GTF2A1L: variants seen among roughly 807,000 people sequenced by gnomAD.
The protein encoded by GTF2A1L is general transcription factor IIA subunit 1 like, also known as TFIIA-alpha and beta-like factor.
Under a neutral mutation model 49.7 loss-of-function variants are expected in GTF2A1L, and 48 were observed. The observed-to-expected ratio is 0.97, with a 90% CI of 0.77 to 1.23. The LOEUF (loss-of-function observed/expected upper bound fraction) is 1.23, where lower values mean the gene tolerates loss of function less well. GTF2A1L is among the 50% of genes most tolerant of loss of function. The pLI is 0.00. For synonymous variants in GTF2A1L, 246 were observed against 193.5 expected (o/e 1.27, Z -2.25); for missense variants, 736 against 564.8 (o/e 1.30, Z -3.07).
intron 6 of GTF2A1L, among the ~76,000 whole-genome samples, chr2:48,647,454 C>T (rs1050329892): frequency 6.6e-6 from 1 of 152,060 alleles, no homozygotes; most frequent in Non-Finnish European, 1.5e-5. Flanking sequence ...GTTTACCAGT[C>T]TCTTATACTG....
At chr2:48,665,580 G>C (rs1215633468) in intron 6 of GTF2A1L, among the ~76,000 whole-genome samples, 1 of 151,958 alleles carries the variant, frequency 6.6e-6, no homozygotes. Flanking sequence ...TTTGACCATT[G>C]GGTATTTATA....
intron 8 of GTF2A1L, among the ~76,000 whole-genome samples, chr2:48,672,351 G>T (rs1679218802): frequency 6.6e-6 from 1 of 152,156 alleles, no homozygotes; most frequent in African/African-American, 2.4e-5. Flanking sequence ...AGACAGAATA[G>T]GAAGCAGATT....
intron 3 of GTF2A1L, among the ~76,000 whole-genome samples, chr2:48,630,079 T>C (rs1469051819): frequency 6.9e-6 from 1 of 144,506 alleles, no homozygotes; most frequent in Admixed American, 7.0e-5. Flanking sequence ...TTTTTGCTTA[T>C]GATTGTTTTG....
rs780103192 is a variant in GTF2A1L at position 48,669,904 on chromosome 2, A to C, written c.1161A>C (p.Glu387Asp). 6.2e-7 allele frequency: 1 copy of C among 1,614,122 alleles called. No individual in the cohort carries two copies. Among genetic ancestry groups the C allele is most frequent in the Non-Finnish European group, 8.5e-7 (1 of 1,180,014 alleles). The change falls in exon 7 of 9, where the codon GAA becomes GAC. Residue 387 changes from glutamate to aspartate, a missense_variant. Physicochemically the swap from Glu to Asp is conservative, Grantham distance 45 (BLOSUM62 2). Transcript: ENST00000403751. ...GAGATCTGAAGGTACCTGAAGAAGA[A>C]GCTGACAGTATTTCAAATGAGGATT... ...DGGDLKVPEE[E>D]ADSISNEDSA...
chr2:48,642,783 G>C (rs531243368), intron 4 of GTF2A1L, among the ~76,000 whole-genome samples: 1 of 152,062 alleles, frequency 6.6e-6, no homozygotes, highest in Non-Finnish European at 1.5e-5. Context: ...TTGAACCTGG[G>C]AGGCGGAGGT....
At position 48,668,837 on chromosome 2, in the gene GTF2A1L, A is replaced by AAAAT. The variant is rs10529379; in HGVS notation, c.979-859_979-856dup. On this transcript the variant is annotated intron_variant, in intron 6 of 8. Coordinates refer to ENST00000403751, the MANE Select transcript of GTF2A1L (RefSeq NM_006872.5). ...GCGACAGAGCGAGACCCCGCCTCAA[A>AAAAT]AAATAAATAAATAAATAAATAAATA... 5.7e-3 allele frequency among the ~76,000 whole-genome samples: 852 copies of AAAAT among 150,440 alleles called. 12 individuals are homozygous for AAAAT. The East Asian group carries it at 0.074, about 13-fold the overall frequency.
chr2:48,662,654 T>A (rs1487247181), intron 6 of GTF2A1L, among the ~76,000 whole-genome samples: 3 of 58,312 alleles, frequency 5.1e-5, no homozygotes, highest in Admixed American at 4.3e-4. Flanking sequence ...TGGTTGATCT[T>A]TTTTTTTTTT....
At chr2:48,618,298 A>G (rs919983092) in intron 1 of GTF2A1L, among the ~76,000 whole-genome samples, 4 of 152,182 alleles carry the variant, frequency 2.6e-5, no homozygotes, top group African/African-American at 7.2e-5. Flanking sequence ...TAACAATGTG[A>G]TATCTCATGT....
chr2:48,675,868 ATG>A, intron 8 of GTF2A1L, among the ~76,000 whole-genome samples: 2 of 151,688 alleles, frequency 1.3e-5, no homozygotes, highest in African/African-American at 4.8e-5. Context: ...GTCTCTTTAT[ATG>A]TATCTATATA....
At chr2:48,632,773 A>G (rs1044756390) in intron 3 of GTF2A1L, 7 of 176,104 alleles carry the variant, frequency 4.0e-5, no homozygotes, top group South Asian at 1.2e-4. Flanking sequence ...AATTTATCTT[A>G]AGTCATTGTG....
chr2:48,662,796 G>T (rs1277190761), intron 6 of GTF2A1L, among the ~76,000 whole-genome samples: 2 of 151,874 alleles, frequency 1.3e-5, no homozygotes, highest in Non-Finnish European at 2.9e-5. Flanking sequence ...TGCTTTAAAG[G>T]TATATATTTT....
chr2:48,641,961 A>G (rs1488545229), intron 3 of GTF2A1L, among the ~76,000 whole-genome samples: 2 of 152,202 alleles, frequency 1.3e-5, no homozygotes, highest in Non-Finnish European at 2.9e-5. Context: ...AAAGTACTGT[A>G]AATAACTTTT....
rs1488462574 is a variant in GTF2A1L at position 48,621,264 on chromosome 2, T to G, written c.221T>G (p.Leu74Trp). The change falls in exon 3 of 9, where the codon TTG (leucine) becomes TGG (tryptophan). Residue 74 changes from leucine to tryptophan, a missense_variant. Coordinates refer to ENST00000403751, the MANE Select transcript of GTF2A1L (RefSeq NM_006872.5). ...PLFTLQLPHS[L>W]HQTLQSSTAS... ...TTTACTCTTCAGTTGCCGCACAGCT[T>G]GCACCAAACATTGCAATCGTCAACA... The G allele has an allele frequency of 6.2e-7, 1 of 1,614,132 alleles. No homozygotes were observed. The highest frequency in any genetic ancestry group is 1.1e-5 in the South Asian group (1 of 91,080).
Position 48,634,199 on chromosome 2 carries a change from G to A in GTF2A1L, c.248-8203G>A, listed in dbSNP as rs368462928. Among the ~76,000 whole-genome samples the A allele has an allele frequency of 2.6e-3, 401 of 152,162 alleles. 2 individuals are homozygous for A. Among genetic ancestry groups the A allele is most frequent in the African/African-American group, 9.1e-3 (377 of 41,488 alleles). On this transcript the variant is annotated intron_variant, in intron 3 of 8. Transcript: ENST00000403751. Reference sequence around the variant, plus strand: ...ACAATCTCAGCTCACTGTAACCTTCGTCTCCGGGTTCAAGAGGTTCTCCTG... The same window carrying A: ...ACAATCTCAGCTCACTGTAACCTTCATCTCCGGGTTCAAGAGGTTCTCCTG...
At chr2:48,641,030 A>C (rs1335239909) in intron 3 of GTF2A1L, among the ~76,000 whole-genome samples, 1 of 152,182 alleles carries the variant, frequency 6.6e-6, no homozygotes, top group Non-Finnish European at 1.5e-5. Context: ...ATTTATTTAA[A>C]TATAGAGAAT....
chr2:48,661,241 C>T (rs913896557), intron 6 of GTF2A1L, among the ~76,000 whole-genome samples: 1 of 141,756 alleles, frequency 7.1e-6, no homozygotes, highest in Non-Finnish European at 1.5e-5. Context: ...TCACTGCATC[C>T]CCAAACTTTT....
intron 6 of GTF2A1L, among the ~76,000 whole-genome samples, chr2:48,651,332 C>T (rs991836974): frequency 3.3e-5 from 5 of 151,986 alleles, no homozygotes. Flanking sequence ...TTTCCTTTAA[C>T]ATTCAACAGG....
chr2:48,623,614 G>T (rs774213964), intron 3 of GTF2A1L, among the ~76,000 whole-genome samples: 1 of 152,166 alleles, frequency 6.6e-6, no homozygotes, highest in Non-Finnish European at 1.5e-5. Flanking sequence ...ACCCACACTT[G>T]TATGTTTATT....
chr2:48,637,610 G>A (rs537710513), intron 3 of GTF2A1L, among the ~76,000 whole-genome samples: 17 of 152,182 alleles, frequency 1.1e-4, no homozygotes, highest in African/African-American at 4.1e-4. Flanking sequence ...CAGAAGACAA[G>A]AAATGAACAA....
Sources: gnomAD v4.1 joint callset for allele counts (sites outside exome capture counted in the v4.1 genomes callset) on GRCh38, gnomAD v4.1.1 for gene constraint, MANE v1.5 for transcripts, NCBI Gene and HGNC (gene_info 2026-07-23, HGNC 2026-07-21) for gene names.